PER2: variants seen among roughly 807,000 people sequenced by gnomAD.
PER2 encodes period circadian protein homolog 2.
PER2 carries 66 observed loss-of-function variants against 121.0 expected under a neutral mutation model. That is an observed-to-expected ratio of 0.55 (90% CI 0.45 to 0.67). The LOEUF is 0.67. PER2 is among the 30% of genes least tolerant of loss of function. The probability of loss-of-function intolerance (pLI) is 0.00; values close to 1 mark genes in which losing one functional copy is unlikely to be tolerated. For synonymous variants in PER2, 684 were observed against 659.9 expected, an observed-to-expected ratio of 1.04 and a Z score of -0.56; for missense variants, 1,521 against 1,635.0, an observed-to-expected ratio of 0.93 and a Z score of 1.20.
chr2:238,250,799 G>T, intron 20 of PER2, 56 bp from the exon 21 acceptor site: 1 of 1,233,272 alleles, frequency 8.1e-7, no homozygotes, highest in Non-Finnish European at 1.2e-6. Flanking sequence ...ATTAAACCTT[G>T]CATAATGTGC....
Position 238,268,929 on chromosome 2 carries a change from C to T in PER2, c.818G>A (p.Arg273His), listed in dbSNP as rs564647024. The T allele has an allele frequency of 9.4e-5, 151 of 1,610,668 alleles. No individual in the cohort carries two copies. Among genetic ancestry groups the T allele is most frequent in the Middle Eastern group, 8.3e-4 (5 of 6,058 alleles). ...AACTGGGAACCAGGCTTACCTGACACGGCAAAAGAAAGATTTCTCCTCCAT... is the reference window on the plus strand; with the variant it reads ...AACTGGGAACCAGGCTTACCTGACATGGCAAAAGAAAGATTTCTCCTCCAT... ...ECMEEKSFFC[R>H]VSVRKSHENE... The change falls in exon 7 of 23, where the codon CGT becomes CAT. Residue 273 changes from arginine (R) to histidine (H), a missense_variant. Transcript: ENST00000254657. The surrounding 1 kb of genome is among the most constrained non-coding windows in gnomAD (Gnocchi z 4.0).
chr2:238,262,954 T>C lies in PER2; in HGVS notation c.1151A>G (p.Lys384Arg), dbSNP rs1023856859. The C allele has an allele frequency of 4.5e-5, 73 of 1,604,986 alleles. No homozygotes were observed. Among genetic ancestry groups the C allele is most frequent in the Non-Finnish European group, 6.0e-5 (70 of 1,171,874 alleles). ...TGTACCATGAAAAGGGGACCTACTC[T>C]TTTTGTGGATGGCCAGCATCAAGGG... is the stretch of plus-strand genomic sequence containing the variant. ...DRPLMLAIHK[K>R]ILQSGGQPFD... The change falls in exon 10 of 23, where the codon AAG (lysine) becomes AGG (arginine). Residue 384 changes from lysine (K) to arginine (R), a missense_variant and splice_region_variant. Lys to Arg is a conservative substitution (Grantham distance 26). Transcript: ENST00000254657.
chr2:238,250,460 C>T (rs1032649472), intron 21 of PER2, 91 bp downstream of exon 21: 33 of 892,434 alleles, frequency 3.7e-5, no homozygotes, highest in East Asian at 3.4e-4. Context: ...AGGGGCGTCC[C>T]GCCCCATCTG....
Position 238,260,832 on chromosome 2 carries a change from C to G in PER2, c.1538G>C (p.Arg513Thr), listed in dbSNP as rs753443918. The G allele has an allele frequency of 3.7e-6, 6 of 1,614,050 alleles. No individual in the cohort carries two copies. In the African/African-American group the frequency reaches 6.7e-5, roughly 18 times the overall value. ...GGAGAATGGAAGGAGACGTACGGCT[C>G]TCCTCCGGCGTGAGTCCTCATGGCC... is the stretch of plus-strand genomic sequence containing the variant. ...SNGHEDSRRR[R>T]AEICKNGNKT... The change falls in exon 13 of 23, where the codon AGA becomes ACA. Residue 513 changes from arginine to threonine, a missense_variant. Physicochemically the swap from Arg to Thr is moderately conservative, Grantham distance 71. Transcript: ENST00000254657.
intron 9 of PER2, 33 bp downstream of exon 9, chr2:238,265,479 A>C (rs1272857257): frequency 7.1e-7 from 1 of 1,403,438 alleles, no homozygotes. Flanking sequence ...TATATCAAAA[A>C]CATGAAAAAG....
In PER2 at chr2:238,253,498, G is replaced by A. The variant is rs1044437110; in HGVS notation, c.2525C>T (p.Pro842Leu). 13 of 1,612,264 alleles carry A rather than the reference G, an allele frequency of 8.1e-6. No homozygotes were observed. The highest frequency in any genetic ancestry group is 4.0e-5 in the African/African-American group (3 of 74,910). The change falls in exon 19 of 23, where the codon CCA becomes CTA. Residue 842 changes from proline (P) to leucine (L), a missense_variant. Coordinates refer to ENST00000254657, the MANE Select transcript of PER2 (RefSeq NM_022817.3). The surrounding 1 kb of genome is among the most constrained non-coding windows in gnomAD (Gnocchi z 5.6). Reference protein sequence around the residue: ...SPSDTSQSSCPAVPFPAPVPA... With the variant: ...SPSDTSQSSCLAVPFPAPVPA... ...CACTGGGGCGGGAAAGGGCACGGCT[G>A]GGCAGCTGGACTGGGACGTGTCTGA...
chr2:238,265,421 T>C, intron 9 of PER2, 91 bp downstream of exon 9: 1 of 792,798 alleles, frequency 1.3e-6, no homozygotes, highest in Non-Finnish European at 2.3e-6. Flanking sequence ...TCCATTATCA[T>C]GTAATTATAA....
chr2:238,271,250 G>T, intron 6 of PER2, 62 bp downstream of exon 6: 1 of 1,463,930 alleles, frequency 6.8e-7, no homozygotes, highest in Non-Finnish European at 9.6e-7. Flanking sequence ...TCTGGGTTGG[G>T]CCCAGCTCCT....
chr2:238,254,526 CCTCT>C (rs376083410), intron 18 of PER2, among the ~76,000 whole-genome samples: 75 of 152,202 alleles, frequency 4.9e-4, no homozygotes, highest in African/African-American at 1.5e-3. Flanking sequence ...TGCAATTCAG[CCTCT>C]CTATCTGGTG....
At chr2:238,269,998 TG>T (rs1026398022) in intron 6 of PER2, among the ~76,000 whole-genome samples, 5 of 152,248 alleles carry the variant, frequency 3.3e-5, no homozygotes, top group African/African-American at 1.2e-4. Context: ...GCCCTGGGTC[TG>T]GGGGAATGGC....
At chr2:238,293,712 G>A (rs113393919), upstream of PER2, among the ~76,000 whole-genome samples, 1,582 of 149,372 alleles carry the variant, frequency 0.011, 21 homozygotes, top group Non-Finnish European at 0.016. Context: ...TTCAGCCTGG[G>A]TGACACAGCA....
intron 4 of PER2, among the ~76,000 whole-genome samples, chr2:238,275,354 G>A (rs943136781): frequency 1.1e-4 from 17 of 152,130 alleles, no homozygotes; most frequent in African/African-American, 3.6e-4. Flanking sequence ...CACAGCTAAG[G>A]AATTCTTCAA....
chr2:238,291,043 C>T (rs1409240642), upstream of PER2, among the ~76,000 whole-genome samples: 1 of 152,258 alleles, frequency 6.6e-6, no homozygotes, highest in Non-Finnish European at 1.5e-5. Flanking sequence ...AGCCAGCCCA[C>T]ACTGGCCAGC....
chr2:238,267,656 G>A (rs559360021), intron 8 of PER2, among the ~76,000 whole-genome samples: 3 of 152,208 alleles, frequency 2.0e-5, no homozygotes, highest in African/African-American at 7.2e-5. Context: ...AGCAGGCAGC[G>A]ACATCAGTGC....
intron 1 of PER2, among the ~76,000 whole-genome samples, chr2:238,282,368 G>T (rs1017048923): frequency 3.9e-5 from 6 of 152,192 alleles, no homozygotes; most frequent in African/African-American, 1.2e-4. Context: ...CTGAGGGGCT[G>T]GGCTGTTTAC....
At position 238,268,785 on chromosome 2, in the gene PER2, G is replaced by C. The variant is rs985857107; in HGVS notation, c.824+138C>G. On this transcript the variant is annotated intron_variant, in intron 7 of 22. Coordinates refer to ENST00000254657, the MANE Select transcript of PER2 (RefSeq NM_022817.3). This position sits in a 1 kb window ranked among gnomAD's most constrained non-coding sequence, Gnocchi z 4.0. ...ACACATTTAAAATGTAACTGACTGTGTTTTCTGGTAGACTTCAGAAACAGG... is the reference window on the plus strand; with the variant it reads ...ACACATTTAAAATGTAACTGACTGTCTTTTCTGGTAGACTTCAGAAACAGG... 8.4e-6 allele frequency: 6 copies of C among 710,244 alleles called. No individual in the cohort carries two copies. The highest frequency in any genetic ancestry group is 2.2e-5 in the Admixed American group (1 of 44,532). The allele number at this position is 710,244 out of a possible 1,614,324, so 44.0% of individuals were successfully genotyped here. A position where few individuals can be genotyped will look rare whatever the true frequency, so the allele number is the denominator to read the frequency against.
chr2:238,260,979 A>C (rs753932519), intron 12 of PER2, 26 bp from the exon 13 acceptor site: 10 of 1,608,600 alleles, frequency 6.2e-6, no homozygotes, highest in Non-Finnish European at 7.6e-6. Context: ...ACAGCGCTAC[A>C]GACACAGCCA....
At position 238,249,902 on chromosome 2, in the gene PER2, C is replaced by T. The variant is rs115241633; in HGVS notation, c.3467+649G>A. Reference sequence around the variant, plus strand: ...AAGTTTCCTGAGGCTTCCCTGGCCCCGCAGGACTGTGAGTTAACTAAACCT... The same window carrying T: ...AAGTTTCCTGAGGCTTCCCTGGCCCTGCAGGACTGTGAGTTAACTAAACCT... On this transcript the variant is annotated intron_variant, in intron 21 of 22. Transcript: ENST00000254657. Among the ~76,000 whole-genome samples, 230 of 152,346 alleles carry T rather than the reference C, an allele frequency of 1.5e-3. 2 individuals carry two copies. Among genetic ancestry groups the T allele is most frequent in the African/African-American group, 5.2e-3 (215 of 41,582 alleles).
Position 238,252,974 on chromosome 2 carries a change from C to A in PER2, c.3049G>T (p.Ala1017Ser). 1.2e-5 allele frequency: 19 copies of A among 1,614,022 alleles called. No individual in the cohort carries two copies. The highest frequency in any genetic ancestry group is 1.7e-4 in the Middle Eastern group (1 of 5,936). The change falls in exon 19 of 23, where the codon GCT becomes TCT. Residue 1017 changes from alanine to serine, a missense_variant. Physicochemically the swap from Ala to Ser is moderately conservative, Grantham distance 99 (BLOSUM62 1). Transcript: ENST00000254657. The surrounding 1 kb of genome is among the most constrained non-coding windows in gnomAD (Gnocchi z 4.2). ...MGTTGATETAAVGADCKPGTS... is the reference protein window; with the variant it reads ...MGTTGATETASVGADCKPGTS... ...CCAGGTTTGCAGTCCGCCCCTACAGCTGCTGTCTCTGTGGCCCCTGTGGTC... is the reference window on the plus strand; with the variant it reads ...CCAGGTTTGCAGTCCGCCCCTACAGATGCTGTCTCTGTGGCCCCTGTGGTC...
Sources: gnomAD v4.1 joint callset for allele counts (sites outside exome capture counted in the v4.1 genomes callset) on GRCh38, gnomAD v4.1.1 for gene constraint, Gnocchi (gnomAD v3.1) non-coding constraint, MANE v1.5 for transcripts, NCBI Gene and HGNC (gene_info 2026-07-23, HGNC 2026-07-21) for gene names.